The following COX6C variants were observed in gnomAD, a reference collection of about 807,000 sequenced individuals.
COX6C encodes cytochrome c oxidase subunit 6C, also known as cytochrome c oxidase polypeptide VIc.
A neutral mutation model predicts 6.9 loss-of-function variants in COX6C; 3 were observed. The observed-to-expected ratio is 0.43, with a 90% CI of 0.20 to 1.12. The LOEUF is 1.12. Ranked by LOEUF, COX6C falls within the 50% of genes most tolerant of loss-of-function variation. The pLI, the probability that COX6C is intolerant of heterozygous loss-of-function variation, is 0.27. For missense variants in COX6C, 101 were observed against 97.3 expected, an observed-to-expected ratio of 1.04 and a Z score of -0.16; for synonymous variants, 32 against 32.0, an observed-to-expected ratio of 1.00 and a Z score of 0.00.
At chr8:99,891,580 T>G (rs1462843747) in intron 2 of COX6C, among the ~76,000 whole-genome samples, 1 of 152,074 alleles carries the variant, frequency 6.6e-6, no homozygotes, top group Non-Finnish European at 1.5e-5. Flanking sequence ...GCTACAGATA[T>G]ATGCCCACAG....
At chr8:99,886,715 C>A (rs1270506350) in intron 3 of COX6C, among the ~76,000 whole-genome samples, 2 of 152,134 alleles carry the variant, frequency 1.3e-5, no homozygotes, top group Admixed American at 1.3e-4. Context: ...CATGGATGAA[C>A]CTTGAGTACA....
chr8:99,886,545 G>A (rs1389368696), intron 3 of COX6C, among the ~76,000 whole-genome samples: 1 of 152,214 alleles, frequency 6.6e-6, no homozygotes, highest in Non-Finnish European at 1.5e-5. Context: ...GCAAGGCCTT[G>A]AAGGAATATT....
At chr8:99,890,330 T>C (rs1283101028) in intron 2 of COX6C, among the ~76,000 whole-genome samples, 1 of 152,122 alleles carries the variant, frequency 6.6e-6, no homozygotes, top group East Asian at 1.9e-4. Flanking sequence ...ACAATAACTG[T>C]GAACCACAAC....
rs891382814 is a variant in COX6C, at chr8:99,891,897, A to G, written c.114+11T>C. 3.7e-6 allele frequency: 6 copies of G among 1,611,994 alleles called. No homozygotes were observed. In the Admixed American group the frequency reaches 8.3e-5, roughly 22 times the overall value. Reference sequence around the variant, plus strand: ...TTATGACCTTCGGCACAAAGTAAAAAACATACATACCTTATACAAAGCTGC... The same window carrying G: ...TTATGACCTTCGGCACAAAGTAAAAGACATACATACCTTATACAAAGCTGC... On this transcript the variant is annotated intron_variant, in intron 2 of 3. Coordinates refer to ENST00000520468, the MANE Select transcript of COX6C (RefSeq NM_004374.4).
At chr8:99,880,122 T>C (rs1367439123) in intron 3 of COX6C, among the ~76,000 whole-genome samples, 1 of 152,242 alleles carries the variant, frequency 6.6e-6, no homozygotes, top group African/African-American at 2.4e-5. Context: ...CAAGCCTTTA[T>C]GGTGCGCTAA....
intron 3 of COX6C, among the ~76,000 whole-genome samples, chr8:99,881,493 T>A (rs182968108): frequency 7.4e-4 from 112 of 152,354 alleles, no homozygotes; most frequent in African/African-American, 2.6e-3. Flanking sequence ...TAATGTGTGA[T>A]ATCAGTAACA....
intron 3 of COX6C, among the ~76,000 whole-genome samples, chr8:99,881,990 C>CA (rs1293708803): frequency 6.6e-6 from 1 of 151,884 alleles, no homozygotes; most frequent in Non-Finnish European, 1.5e-5. Context: ...TTTCAAGAGA[C>CA]AAAAAAGAAC....
intron 3 of COX6C, among the ~76,000 whole-genome samples, chr8:99,884,155 A>G (rs1817908963): frequency 6.6e-6 from 1 of 152,236 alleles, no homozygotes; most frequent in Admixed American, 6.5e-5. Context: ...TGAGGCAAGA[A>G]GGAATAAGCA....
At chr8:99,883,614 A>T (rs1817902138) in intron 3 of COX6C, among the ~76,000 whole-genome samples, 3 of 151,960 alleles carry the variant, frequency 2.0e-5, no homozygotes, top group African/African-American at 7.3e-5. Flanking sequence ...CTATGAAACC[A>T]GCACCAATCC....
At chr8:99,891,222 G>T (rs557071367) in intron 2 of COX6C, among the ~76,000 whole-genome samples, 1 of 152,284 alleles carries the variant, frequency 6.6e-6, no homozygotes, top group East Asian at 1.9e-4. Context: ...GGCCTTTAGG[G>T]TGGGCCCTAA....
At chr8:99,893,274 T>C (rs1160961238) in intron 1 of COX6C, 1 of 152,256 alleles carries the variant, frequency 6.6e-6, no homozygotes, top group African/African-American at 2.4e-5. Context: ...CCACCCCTTT[T>C]CTCACGGGAG....
intron 3 of COX6C, chr8:99,887,170 GCCTAGC>G (rs985534776): frequency 1.8e-5 from 3 of 164,938 alleles, no homozygotes; most frequent in African/African-American, 7.2e-5. Flanking sequence ...CTAACACAAA[GCCTAGC>G]TTATAATAAA....
intron 2 of COX6C, among the ~76,000 whole-genome samples, chr8:99,891,573 AC>A (rs1300065396): frequency 6.6e-6 from 1 of 152,214 alleles, no homozygotes; most frequent in Non-Finnish European, 1.5e-5. Context: ...AAGTTCAGCT[AC>A]AGATATATGC....
At chr8:99,883,681 T>C (rs987836701) in intron 3 of COX6C, among the ~76,000 whole-genome samples, 1 of 152,076 alleles carries the variant, frequency 6.6e-6, no homozygotes, top group Non-Finnish European at 1.5e-5. Flanking sequence ...ATTCATTCTA[T>C]AAGGCCAGCA....
Position 99,877,960 on chromosome 8 carries a change from T to A in COX6C, c.*321A>T, listed in dbSNP as rs1047754208. On this transcript the variant is annotated 3_prime_UTR_variant, in exon 4 of 4. Transcript: ENST00000520468. ...CTCATGAAGAACACTTTTTAATCCA[T>A]AGCCCAAGACCAAGTAACTGCAATG... 1 of 152,176 alleles carries A rather than the reference T, an allele frequency of 6.6e-6. No individual in the cohort carries two copies. Among genetic ancestry groups the A allele is most frequent in the Non-Finnish European group, 1.5e-5 (1 of 68,036 alleles). 9.4% of individuals were successfully genotyped at this position (152,176 alleles called of 1,614,324 possible).
intron 3 of COX6C, 26 bp downstream of exon 3, chr8:99,887,464 T>A: frequency 5.0e-6 from 7 of 1,390,162 alleles, no homozygotes; most frequent in African/African-American, 1.5e-5. Flanking sequence ...AATTTTTTTT[T>A]AAGTAACTTC....
At chr8:99,892,114 G>C in intron 1 of COX6C, 62 bp from the exon 2 acceptor site, 1 of 895,640 alleles carries the variant, frequency 1.1e-6, no homozygotes, top group African/African-American at 1.7e-5. Context: ...ACTTGAGAAT[G>C]GCCACCTGGA....
At chr8:99,887,435 G>T (rs1817959700) in intron 3 of COX6C, 55 bp downstream of exon 3, 2 of 1,022,398 alleles carry the variant, frequency 2.0e-6, no homozygotes, top group South Asian at 1.8e-5. Flanking sequence ...ACCTGTATTT[G>T]CATTTTACCA....
chr8:99,882,170 T>C (rs969327291), intron 3 of COX6C, among the ~76,000 whole-genome samples: 6 of 152,300 alleles, frequency 3.9e-5, no homozygotes, highest in East Asian at 1.9e-4. Context: ...CTTTCAATAA[T>C]TGACAGAACA....
Sources: gnomAD v4.1 joint callset for allele counts (sites outside exome capture counted in the v4.1 genomes callset) on GRCh38, gnomAD v4.1.1 for gene constraint, MANE v1.5 for transcripts, NCBI Gene and HGNC (gene_info 2026-07-23, HGNC 2026-07-21) for gene names.